FAM53B: variants seen among roughly 807,000 people sequenced by gnomAD.
FAM53B encodes protein FAM53B.
In FAM53B, 12 loss-of-function variants were observed where a neutral mutation model predicts 32.7. That is an observed-to-expected ratio of 0.37 (90% CI 0.24 to 0.59). FAM53B has a LOEUF of 0.59. Among genes scored for constraint, FAM53B ranks in the 20% least tolerant of loss-of-function variants. The pLI is 0.72. For synonymous variants in FAM53B, 234 were observed against 228.7 expected (o/e 1.02, Z -0.21); for missense variants, 477 against 577.7 (o/e 0.83, Z 1.79).
At chr10:124,726,164 T>G (rs1199330779) in intron 1 of FAM53B, among the ~76,000 whole-genome samples, 1 of 152,150 alleles carries the variant, frequency 6.6e-6, no homozygotes, top group Non-Finnish European at 1.5e-5. Flanking sequence ...TTTAGTGGAT[T>G]TGGTACCTAG....
intron 3 of FAM53B, among the ~76,000 whole-genome samples, chr10:124,693,456 G>A (rs1467929119): frequency 4.8e-5 from 7 of 147,118 alleles, no homozygotes; most frequent in Admixed American, 6.8e-5. Flanking sequence ...GCGACAGTGA[G>A]ACTCTGTCTC....
intron 1 of FAM53B, among the ~76,000 whole-genome samples, chr10:124,712,910 G>A (rs1950014424): frequency 6.6e-6 from 1 of 152,184 alleles, no homozygotes; most frequent in South Asian, 2.1e-4. Context: ...GTGGCAGGGG[G>A]CCCCTGCCCA....
chr10:124,696,286 T>C, intron 2 of FAM53B, 74 bp from the exon 3 acceptor site: 1 of 1,267,392 alleles, frequency 7.9e-7, no homozygotes, highest in Non-Finnish European at 1.2e-6. Context: ...ACTGATCCCT[T>C]CTAAAGTCAC....
intron 3 of FAM53B, among the ~76,000 whole-genome samples, chr10:124,686,120 T>C (rs893634568): frequency 6.6e-6 from 1 of 152,222 alleles, no homozygotes; most frequent in African/African-American, 2.4e-5. Context: ...CCCCCAGCTT[T>C]GTGTAGACAA....
At chr10:124,624,910 C>T (rs569100149) in intron 4 of FAM53B, among the ~76,000 whole-genome samples, 1 of 152,330 alleles carries the variant, frequency 6.6e-6, no homozygotes, top group East Asian at 1.9e-4. Context: ...GGTCGAATAG[C>T]AGAGGGGAGC....
At chr10:124,664,213 C>T (rs937890106) in intron 4 of FAM53B, among the ~76,000 whole-genome samples, 6 of 152,062 alleles carry the variant, frequency 3.9e-5, no homozygotes, top group African/African-American at 4.8e-5. Flanking sequence ...CCCAGGGCTG[C>T]CTGACACCAG....
At chr10:124,673,672 C>T (rs1473538269) in intron 4 of FAM53B, among the ~76,000 whole-genome samples, 3 of 152,154 alleles carry the variant, frequency 2.0e-5, no homozygotes, top group Non-Finnish European at 1.5e-5. Flanking sequence ...CTCTCAATGC[C>T]ATCTCCATAT....
Position 124,651,571 on chromosome 10 carries a change from C to G in FAM53B, c.907-27967G>C, listed in dbSNP as rs1949556096. Among the ~76,000 whole-genome samples, 1 of 152,206 alleles carries G rather than the reference C, an allele frequency of 6.6e-6. No individual in the cohort carries two copies. The highest frequency in any genetic ancestry group is 2.1e-4 in the South Asian group (1 of 4,828). On this transcript the variant is annotated intron_variant, in intron 4 of 4. Transcript: ENST00000337318. The surrounding 1 kb of genome is among the most constrained non-coding windows in gnomAD (Gnocchi z 5.2). ...CGGCACCAGGGACCTGGACTATGCA[C>G]CCCACTCCTCCTGCTGCTCTCCCCT...
At chr10:124,703,453 T>C (rs979711937) in intron 2 of FAM53B, among the ~76,000 whole-genome samples, 12 of 152,252 alleles carry the variant, frequency 7.9e-5, no homozygotes, top group African/African-American at 2.9e-4. Context: ...TGATATGAAC[T>C]AACACACTTC....
intron 4 of FAM53B, among the ~76,000 whole-genome samples, chr10:124,670,294 T>C (rs975051408): frequency 1.3e-5 from 2 of 152,152 alleles, no homozygotes; most frequent in Admixed American, 1.3e-4. Context: ...GTGACCTCCT[T>C]GAACCGGTTT....
chr10:124,716,284 A>G (rs1210474218), intron 1 of FAM53B, among the ~76,000 whole-genome samples: 1 of 152,198 alleles, frequency 6.6e-6, no homozygotes, highest in Non-Finnish European at 1.5e-5. Context: ...CACAGCTTGA[A>G]AGAGACTTGA....
rs1420205655 is a variant in FAM53B, at chr10:124,621,009, G to C, written c.*2233C>G. ...ACCAGGCCTGAATGGGGAGGTGGCA[G>C]GCAAGGTTTGAGGGCAGGTCACCCA... is the stretch of plus-strand genomic sequence containing the variant. On this transcript the variant is annotated 3_prime_UTR_variant, in exon 5 of 5. Transcript: ENST00000337318. The C allele has an allele frequency of 1.3e-5, 2 of 152,234 alleles. No individual in the cohort carries two copies. Among genetic ancestry groups the C allele is most frequent in the Non-Finnish European group, 2.9e-5 (2 of 68,064 alleles). The allele number at this position is 152,234 out of a possible 1,614,324, so 9.4% of individuals were successfully genotyped here.
chr10:124,655,506 T>C (rs574872697), intron 4 of FAM53B, among the ~76,000 whole-genome samples: 2 of 151,806 alleles, frequency 1.3e-5, no homozygotes, highest in African/African-American at 4.8e-5. Context: ...TGCCGAGGAA[T>C]GAGGAAGAGC....
At chr10:124,654,028 G>T (rs1335078581) in intron 4 of FAM53B, among the ~76,000 whole-genome samples, 1 of 152,206 alleles carries the variant, frequency 6.6e-6, no homozygotes, top group Non-Finnish European at 1.5e-5. Context: ...GAGGACGCAG[G>T]GAGGAGGGGC....
rs576142011 is a variant in FAM53B, at chr10:124,651,643, C to A, written c.907-28039G>T. 6.6e-5 allele frequency among the ~76,000 whole-genome samples: 10 copies of A among 152,302 alleles called. No individual in the cohort carries two copies. In the South Asian group the frequency reaches 2.1e-3, roughly 32 times the overall value. The stretch of plus-strand genomic sequence containing the variant: ...GTGAGGCCCAGCGGCCTCCTCATTT[C>A]CTCCTCAGGGGAGCACTGTGGAGAC... On this transcript the variant is annotated intron_variant, in intron 4 of 4. Transcript: ENST00000337318. This position sits in a 1 kb window ranked among gnomAD's most constrained non-coding sequence, Gnocchi z 5.2.
intron 4 of FAM53B, among the ~76,000 whole-genome samples, chr10:124,669,008 G>A (rs1035708686): frequency 6.6e-6 from 1 of 152,230 alleles, no homozygotes; most frequent in Non-Finnish European, 1.5e-5. Flanking sequence ...CCCGAGAGCG[G>A]AGGCCAGCCA....
At position 124,645,268 on chromosome 10, in the gene FAM53B, A is replaced by G. The variant is rs553462793; in HGVS notation, c.907-21664T>C. Among the ~76,000 whole-genome samples, 58 of 152,212 alleles carry G rather than the reference A, an allele frequency of 3.8e-4. 1 individual carries two copies. Among genetic ancestry groups the G allele is most frequent in the Non-Finnish European group, 6.9e-4 (47 of 68,032 alleles). On this transcript the variant is annotated intron_variant, in intron 4 of 4. Transcript: ENST00000337318. Reference sequence around the variant, plus strand: ...GCTCTCTCAGCCTCTTCCTCAACACAGTAACTGGGAAAATCCCTTCTTCTC... The same window carrying G: ...GCTCTCTCAGCCTCTTCCTCAACACGGTAACTGGGAAAATCCCTTCTTCTC...
rs1044912093 is a variant in FAM53B, at chr10:124,620,360, C to CCT, written c.*2881_*2882insAG. 1.4e-5 allele frequency: 2 copies of CCT among 143,938 alleles called. No individual in the cohort carries two copies. The highest frequency in any genetic ancestry group is 3.1e-5 in the Non-Finnish European group (2 of 65,572). The allele number at this position is 143,938 out of a possible 1,614,324, so 8.9% of individuals were successfully genotyped here. A position where few individuals can be genotyped will look rare whatever the true frequency, so the allele number is the denominator to read the frequency against. On this transcript the variant is annotated 3_prime_UTR_variant, in exon 5 of 5. Coordinates refer to ENST00000337318, the MANE Select transcript of FAM53B (RefSeq NM_014661.4). ...TGGGGTGCATGTGGCACTAAGCCCC[C>CCT]CCCACCGCCCCGGCTTTCCTGCAGG... is the stretch of plus-strand genomic sequence containing the variant.
chr10:124,721,141 G>T (rs897705246), intron 1 of FAM53B, among the ~76,000 whole-genome samples: 1 of 152,248 alleles, frequency 6.6e-6, no homozygotes, highest in African/African-American at 2.4e-5. Flanking sequence ...AGCGGAGGTT[G>T]CAGTGAGTCT....
Sources: gnomAD v4.1 joint callset for allele counts (sites outside exome capture counted in the v4.1 genomes callset) on GRCh38, gnomAD v4.1.1 for gene constraint, Gnocchi (gnomAD v3.1) non-coding constraint, MANE v1.5 for transcripts, NCBI Gene and HGNC (gene_info 2026-07-23, HGNC 2026-07-21) for gene names.